The following INO80 variants were observed in gnomAD, a reference collection of about 807,000 sequenced individuals.
INO80 encodes the protein INO80 complex ATPase subunit, also known as chromatin-remodeling ATPase INO80.
Under a neutral mutation model 203.4 loss-of-function variants are expected in INO80, and 20 were observed. The ratio of observed to expected loss-of-function variants is 0.10; its 90% CI spans 0.07 to 0.14. INO80 has a LOEUF of 0.14. INO80 is among the 10% of genes least tolerant of loss of function. The probability of loss-of-function intolerance (pLI) is 1.00; values close to 1 mark genes in which losing one functional copy is unlikely to be tolerated. For missense variants in INO80, 1,419 were observed against 1,914.4 expected, an observed-to-expected ratio of 0.74 and a Z score of 4.83; for synonymous variants, 726 against 685.2, an observed-to-expected ratio of 1.06 and a Z score of -0.93.
chr15:40,991,784 T>C (rs1043350457), intron 29 of INO80, among the ~76,000 whole-genome samples: 1 of 151,960 alleles, frequency 6.6e-6, no homozygotes, highest in Non-Finnish European at 1.5e-5. Context: ...TTCTTTCTTT[T>C]TTTTTTTGAG....
intron 14 of INO80, among the ~76,000 whole-genome samples, chr15:41,062,327 T>A (rs879376462): frequency 7.2e-5 from 11 of 152,076 alleles, no homozygotes; most frequent in Admixed American, 7.2e-4. Flanking sequence ...ATAGGCCAAG[T>A]ATGGTGGCTC....
intron 1 of INO80, among the ~76,000 whole-genome samples, chr15:41,102,134 T>A (rs1275333042): frequency 6.6e-6 from 1 of 151,688 alleles, no homozygotes; most frequent in Non-Finnish European, 1.5e-5. Context: ...GAGGTTGCAG[T>A]GAGCCAAGAC....
At chr15:41,049,563 C>T (rs1281648795) in intron 20 of INO80, 143 bp from the exon 21 acceptor site, 4 of 791,718 alleles carry the variant, frequency 5.1e-6, no homozygotes, top group Non-Finnish European at 8.1e-6. Context: ...GCTTATCTGG[C>T]ATCAAGGATA....
intron 23 of INO80, among the ~76,000 whole-genome samples, chr15:41,045,523 A>C (rs2044740720): frequency 6.7e-6 from 1 of 149,138 alleles, no homozygotes; most frequent in African/African-American, 2.5e-5. Flanking sequence ...TGGAGATTGC[A>C]GTGAGCCGAG....
At chr15:40,988,135 G>A (rs956574711) in intron 29 of INO80, among the ~76,000 whole-genome samples, 161 bp from the exon 30 acceptor site, 8 of 152,108 alleles carry the variant, frequency 5.3e-5, no homozygotes, top group East Asian at 1.9e-4. Flanking sequence ...ATACAAAGCC[G>A]TTCCTTCACA....
intron 24 of INO80, among the ~76,000 whole-genome samples, chr15:41,036,896 T>C (rs2044584999): frequency 6.6e-6 from 1 of 151,098 alleles, no homozygotes. Flanking sequence ...AGATCAGGAG[T>C]TTGAGATCAG....
chr15:41,099,109 G>T (rs765357306), intron 1 of INO80, among the ~76,000 whole-genome samples: 5 of 151,242 alleles, frequency 3.3e-5, no homozygotes, highest in Non-Finnish European at 5.9e-5. Flanking sequence ...GCCAAGTATG[G>T]TGATGCGTGC....
chr15:41,050,670 T>C (rs938982732), intron 19 of INO80, among the ~76,000 whole-genome samples: 7 of 152,188 alleles, frequency 4.6e-5, no homozygotes, highest in African/African-American at 1.7e-4. Flanking sequence ...GGCCCTCATC[T>C]GATATAGTAT....
chr15:41,087,833 G>T (rs2045583788), intron 5 of INO80, 151 bp from the exon 6 acceptor site: 1 of 664,366 alleles, frequency 1.5e-6, no homozygotes. Flanking sequence ...ATATCTAAGG[G>T]AATCACTTAC....
chr15:41,093,979 T>C (rs1206438433), intron 4 of INO80, among the ~76,000 whole-genome samples: 1 of 152,216 alleles, frequency 6.6e-6, no homozygotes, highest in Non-Finnish European at 1.5e-5. Context: ...GCAACTGATA[T>C]TAACCAAATC....
intron 26 of INO80, among the ~76,000 whole-genome samples, chr15:41,018,999 T>C (rs925757193): frequency 1.3e-5 from 2 of 152,194 alleles, no homozygotes; most frequent in Admixed American, 1.3e-4. Flanking sequence ...TACAATCCTA[T>C]AGTACTTTCA....
In INO80 at chr15:41,078,137, A is replaced by G. The variant is rs112961230; in HGVS notation, c.1131+1564T>C. Among the ~76,000 whole-genome samples the G allele has an allele frequency of 1.4e-3, 211 of 152,206 alleles. 1 individual carries two copies. Among genetic ancestry groups the G allele is most frequent in the African/African-American group, 4.9e-3 (202 of 41,538 alleles). On this transcript the variant is annotated intron_variant, in intron 9 of 35. Transcript: ENST00000648947. ...CTGGTCTTGAACTCCTGACCTTGTG[A>G]TCCACCCACCTCGGCCTCCCAAAGT... is the stretch of plus-strand genomic sequence containing the variant.
intron 19 of INO80, 96 bp downstream of exon 19, chr15:41,053,833 C>G: frequency 1.2e-6 from 1 of 857,960 alleles, no homozygotes; most frequent in Middle Eastern, 2.6e-4. Context: ...TTCCTTCAAG[C>G]AAACTTCAAC....
chr15:41,016,236 T>C, intron 26 of INO80, 21 bp from the exon 27 acceptor site: 1 of 1,609,622 alleles, frequency 6.2e-7, no homozygotes, highest in East Asian at 2.2e-5. Flanking sequence ...GAAAAGGGGG[T>C]GAGGGGGAAC....
At chr15:40,984,124 C>T in intron 33 of INO80, 73 bp downstream of exon 33, 3 of 1,493,862 alleles carry the variant, frequency 2.0e-6, no homozygotes, top group Non-Finnish European at 2.8e-6. Flanking sequence ...AAAGACTGCC[C>T]AGCAGTGTGT....
chr15:41,076,316 C>A (rs149029244), intron 9 of INO80, among the ~76,000 whole-genome samples: 2 of 151,986 alleles, frequency 1.3e-5, no homozygotes, highest in Admixed American at 1.3e-4. Flanking sequence ...GCCGAGGTCA[C>A]GCCACTGCAC....
chr15:41,090,770 GTT>G (rs1248363589), intron 5 of INO80, among the ~76,000 whole-genome samples: 1 of 151,686 alleles, frequency 6.6e-6, no homozygotes, highest in Non-Finnish European at 1.5e-5. Context: ...TAAGGCTGAA[GTT>G]TTGTTATGTG....
chr15:41,000,023 G>A (rs887313463), intron 28 of INO80, among the ~76,000 whole-genome samples: 5 of 152,058 alleles, frequency 3.3e-5, no homozygotes, highest in Non-Finnish European at 2.9e-5. Flanking sequence ...ATTTGAGCCC[G>A]AGTCCAAGGA....
chr15:40,985,472 C>G (rs769242135), intron 31 of INO80, 46 bp from the exon 32 acceptor site: 3 of 1,326,524 alleles, frequency 2.3e-6, no homozygotes, highest in Non-Finnish European at 3.3e-6. Flanking sequence ...CTGTGGTAAT[C>G]ATAATCCTCA....
Sources: allele counts gnomAD v4.1 joint callset (sites outside exome capture counted in the v4.1 genomes callset), GRCh38; gene constraint gnomAD v4.1.1; transcripts MANE v1.5; gene names NCBI Gene and HGNC (gene_info 2026-07-23, HGNC 2026-07-21).